The following PIEZO2 variants were observed in gnomAD, a reference collection of about 807,000 sequenced individuals.
PIEZO2 encodes the protein piezo type mechanosensitive ion channel component 2, also known as piezo-type mechanosensitive ion channel component 2.
In PIEZO2, 172 loss-of-function variants were observed where a neutral mutation model predicts 337.3. The ratio of observed to expected loss-of-function variants is 0.51; its 90% CI spans 0.45 to 0.58. PIEZO2 has a LOEUF of 0.58. PIEZO2 is among the 20% of genes least tolerant of loss of function. The probability of loss-of-function intolerance (pLI) is 0.00; values close to 1 mark genes in which losing one functional copy is unlikely to be tolerated. For synonymous variants in PIEZO2, 1,251 were observed against 1,228.5 expected (o/e 1.02, Z -0.38); for missense variants, 3,028 against 3,391.3 (o/e 0.89, Z 2.66).
rs946672883 is a variant in PIEZO2 at position 11,116,625 on chromosome 18, A to G, written c.64+31900T>C. On this transcript the variant is annotated intron_variant, in intron 1 of 55. Transcript: ENST00000674853. The surrounding 1 kb of genome is among the most constrained non-coding windows in gnomAD (Gnocchi z 5.0). ...CAGCTACTCGGGAGGCTGAGGCAGG[A>G]GAATGGCGTGAACCCGGGAGGCGTA... Among the ~76,000 whole-genome samples, 7 of 151,964 alleles carry G rather than the reference A, an allele frequency of 4.6e-5. No individual in the cohort carries two copies. Among genetic ancestry groups the G allele is most frequent in the Non-Finnish European group, 1.0e-4 (7 of 67,994 alleles).
In PIEZO2 at chr18:10,820,850, C is replaced by T. The variant is rs115602719; in HGVS notation, c.918-13576G>A. ...TGTGATGGGCCTGCAGTAACCTTCA[C>T]GGTATGATTAGCTCAGTCCCAGTAG... is the stretch of plus-strand genomic sequence containing the variant. On this transcript the variant is annotated intron_variant, in intron 7 of 55. Coordinates refer to ENST00000674853, the MANE Select transcript of PIEZO2 (RefSeq NM_001378183.1). 1.7e-3 allele frequency among the ~76,000 whole-genome samples: 263 copies of T among 152,274 alleles called. 2 individuals carry two copies. Among genetic ancestry groups the T allele is most frequent in the African/African-American group, 5.7e-3 (238 of 41,560 alleles).
intron 36 of PIEZO2, among the ~76,000 whole-genome samples, chr18:10,730,262 T>A (rs1335795383): frequency 6.6e-6 from 1 of 152,240 alleles, no homozygotes; most frequent in Non-Finnish European, 1.5e-5. Context: ...TCCCAAGCAG[T>A]GACATTATCC....
At chr18:11,018,229 G>GTC (rs920001460) in intron 2 of PIEZO2, among the ~76,000 whole-genome samples, 5 of 151,356 alleles carry the variant, frequency 3.3e-5, no homozygotes, top group Non-Finnish European at 5.9e-5. Flanking sequence ...TGGTGTGTGT[G>GTC]TGTGTGTGTG....
intron 49 of PIEZO2, among the ~76,000 whole-genome samples, chr18:10,683,906 C>G (rs1037663332): frequency 6.6e-6 from 1 of 152,086 alleles, no homozygotes; most frequent in African/African-American, 2.4e-5. Flanking sequence ...TCAAAAATTC[C>G]CAGAGGCTTC....
Position 11,013,256 on chromosome 18 carries a change from C to T in PIEZO2, c.161-33596G>A, listed in dbSNP as rs148703927. ...GGTATTTACATGAGAAAGAAGGAGGCAGGAGAGAGGTGGCCTTGTGGAGAA... is the reference window on the plus strand; with the variant it reads ...GGTATTTACATGAGAAAGAAGGAGGTAGGAGAGAGGTGGCCTTGTGGAGAA... On this transcript the variant is annotated intron_variant, in intron 2 of 55. Coordinates refer to ENST00000674853, the MANE Select transcript of PIEZO2 (RefSeq NM_001378183.1). Among the ~76,000 whole-genome samples the T allele has an allele frequency of 2.0e-5, 3 of 152,210 alleles. No individual in the cohort carries two copies. The East Asian group carries it at 5.8e-4, about 29-fold the overall frequency.
intron 33 of PIEZO2, chr18:10,739,486 G>A (rs993908680): frequency 6.6e-6 from 1 of 152,156 alleles, no homozygotes; most frequent in African/African-American, 2.4e-5. Flanking sequence ...CAATGACCGC[G>A]GTGGGAATTT....
chr18:11,128,087 A>G lies in PIEZO2; in HGVS notation c.64+20438T>C, dbSNP rs2040236966. Among the ~76,000 whole-genome samples the G allele has an allele frequency of 6.6e-6, 1 of 152,158 alleles. No homozygotes were observed. The highest frequency in any genetic ancestry group is 2.4e-5 in the African/African-American group (1 of 41,440). ...TGACACTCCTGATTCACCACTCATG[A>G]CAGGCAAGGAGTTTAGTGACTCTAT... On this transcript the variant is annotated intron_variant, in intron 1 of 55. Coordinates refer to ENST00000674853, the MANE Select transcript of PIEZO2 (RefSeq NM_001378183.1). This position sits in a 1 kb window ranked among gnomAD's most constrained non-coding sequence, Gnocchi z 4.1.
At chr18:10,717,659 G>C (rs1054038611) in intron 37 of PIEZO2, among the ~76,000 whole-genome samples, 9 of 152,164 alleles carry the variant, frequency 5.9e-5, no homozygotes, top group Admixed American at 5.2e-4. Context: ...TGGCACTGTG[G>C]CTGGACTGGC....
At chr18:11,059,290 C>T (rs2037850430) in intron 2 of PIEZO2, among the ~76,000 whole-genome samples, 1 of 152,174 alleles carries the variant, frequency 6.6e-6, no homozygotes, top group African/African-American at 2.4e-5. Context: ...CAGTACCAGC[C>T]ACTGCAAAAA....
intron 8 of PIEZO2, among the ~76,000 whole-genome samples, chr18:10,805,125 A>G (rs2039956804): frequency 6.6e-6 from 1 of 152,220 alleles, no homozygotes; most frequent in Non-Finnish European, 1.5e-5. Context: ...GCATTATCCA[A>G]GAGATGACAT....
At chr18:11,095,867 C>A (rs898977273) in intron 1 of PIEZO2, among the ~76,000 whole-genome samples, 5 of 152,126 alleles carry the variant, frequency 3.3e-5, no homozygotes, top group Non-Finnish European at 5.9e-5. Context: ...CCATGACTTC[C>A]AAAAATAATA....
Position 10,736,643 on chromosome 18 carries a change from CTTT to C in PIEZO2, c.4773_4775del (p.Lys1593del). On this transcript the variant is annotated inframe_deletion, in exon 34 of 56. Coordinates refer to ENST00000674853, the MANE Select transcript of PIEZO2 (RefSeq NM_001378183.1). Reference sequence around the variant, plus strand: ...TTCGTGGAGGTTCTTCATCTTCCTTCTTTAATTCTTCCTCTTCCTCCTCTTCAC... The same window carrying C: ...TTCGTGGAGGTTCTTCATCTTCCTTCAATTCTTCCTCTTCCTCCTCTTCAC... 1 of 1,537,152 alleles carries C rather than the reference CTTT, an allele frequency of 6.5e-7. No individual in the cohort carries two copies. The highest frequency in any genetic ancestry group is 8.7e-7 in the Non-Finnish European group (1 of 1,146,848).
In PIEZO2 at chr18:10,706,325, C is replaced by T. The variant is rs76189283; in HGVS notation, c.5589-579G>A. Among the ~76,000 whole-genome samples, 1,403 of 152,306 alleles carry T rather than the reference C, an allele frequency of 9.2e-3. 19 individuals are homozygous for T. Among genetic ancestry groups the T allele is most frequent in the African/African-American group, 0.032 (1,335 of 41,564 alleles). On this transcript the variant is annotated intron_variant, in intron 40 of 55. Coordinates refer to ENST00000674853, the MANE Select transcript of PIEZO2 (RefSeq NM_001378183.1). ...CTTTCATGTTTATTCTTCCACCCTG[C>T]TTTTCCATCCTTTGCCTTTTTTGCA...
chr18:10,979,936 G>T lies in PIEZO2; in HGVS notation c.161-276C>A, dbSNP rs957210625. 7.9e-5 allele frequency among the ~76,000 whole-genome samples: 12 copies of T among 152,204 alleles called. No homozygotes were observed. The highest frequency in any genetic ancestry group is 2.4e-4 in the African/African-American group (10 of 41,542). ...CACATTACAGTGGAACTACAAAAAG[G>T]TCCTGGACCAAAACATTTTACAAGG... On this transcript the variant is annotated intron_variant, in intron 2 of 55. Transcript: ENST00000674853. The surrounding 1 kb of genome is among the most constrained non-coding windows in gnomAD (Gnocchi z 4.0).
At chr18:10,852,932 T>C (rs2041597736) in intron 7 of PIEZO2, among the ~76,000 whole-genome samples, 1 of 152,122 alleles carries the variant, frequency 6.6e-6, no homozygotes, top group Admixed American at 6.5e-5. Context: ...AGTAATTGGT[T>C]GCAGCTGGGG....
At chr18:10,736,528 T>C (rs2037001811) in intron 34 of PIEZO2, 76 bp downstream of exon 34, 2 of 1,521,528 alleles carry the variant, frequency 1.3e-6, no homozygotes, top group Non-Finnish European at 1.8e-6. Context: ...ACAGGAGGTG[T>C]CTAGGCCTGC....
intron 48 of PIEZO2, among the ~76,000 whole-genome samples, chr18:10,690,159 T>C (rs1252911052): frequency 6.6e-6 from 1 of 152,054 alleles, no homozygotes; most frequent in African/African-American, 2.4e-5. Context: ...TGTTGCTGGA[T>C]GAGTTAGTAG....
intron 1 of PIEZO2, among the ~76,000 whole-genome samples, chr18:11,114,308 A>C (rs2039821778): frequency 6.6e-6 from 1 of 152,216 alleles, no homozygotes; most frequent in South Asian, 2.1e-4. Context: ...CTTACAATAG[A>C]GCTCTTTACA....
chr18:10,759,240 T>A lies in PIEZO2; in HGVS notation c.3757+242A>T, dbSNP rs1364240474. Among the ~76,000 whole-genome samples the A allele has an allele frequency of 6.7e-6, 1 of 149,184 alleles. No individual in the cohort carries two copies. The highest frequency in any genetic ancestry group is 1.5e-5 in the Non-Finnish European group (1 of 67,312). On this transcript the variant is annotated intron_variant, in intron 26 of 55. Coordinates refer to ENST00000674853, the MANE Select transcript of PIEZO2 (RefSeq NM_001378183.1). The surrounding 1 kb of genome is among the most constrained non-coding windows in gnomAD (Gnocchi z 5.5). ...GTGTGTGTGTGTGTTTGTGTGTGTG[T>A]GTTGGGGGAAGTGAAATTATGCAAG...
Sources: gnomAD v4.1 joint callset for allele counts (sites outside exome capture counted in the v4.1 genomes callset) on GRCh38, gnomAD v4.1.1 for gene constraint, Gnocchi (gnomAD v3.1) non-coding constraint, MANE v1.5 for transcripts, NCBI Gene and HGNC (gene_info 2026-07-23, HGNC 2026-07-21) for gene names.